The following NRF1 variants were observed in gnomAD, a reference collection of about 807,000 sequenced individuals.
NRF1 encodes alpha palindromic-binding protein.
Under a neutral mutation model 58.5 loss-of-function variants are expected in NRF1, and 5 were observed. The observed-to-expected ratio is 0.09, with a 90% CI of 0.04 to 0.18. The LOEUF is 0.18. Among genes scored for constraint, NRF1 ranks in the 10% least tolerant of loss-of-function variants. The probability of loss-of-function intolerance (pLI) is 1.00; values close to 1 mark genes in which losing one functional copy is unlikely to be tolerated. For synonymous variants in NRF1, 224 were observed against 246.7 expected (o/e 0.91, Z 0.86); for missense variants, 288 against 657.7 (o/e 0.44, Z 6.15).
At chr7:129,700,374 C>G (rs1652154444) in intron 5 of NRF1, among the ~76,000 whole-genome samples, 2 of 152,152 alleles carry the variant, frequency 1.3e-5, no homozygotes, top group African/African-American at 2.4e-5. Flanking sequence ...GCCCCGGCCA[C>G]ACTCCAGACC....
intron 2 of NRF1, among the ~76,000 whole-genome samples, chr7:129,663,044 C>A (rs895473125): frequency 2.6e-4 from 39 of 152,190 alleles, no homozygotes; most frequent in Non-Finnish European, 4.6e-4. Context: ...GTGGACACAG[C>A]ACATGTTTCA....
At position 129,727,953 on chromosome 7, in the gene NRF1, T is replaced by A. The variant is rs144519201; in HGVS notation, c.1348+588T>A. ...CCCCAGCTCTTTGACTTCCTGGACA[T>A]TGGTGAATATCCTGAATAAGCAAAA... On this transcript the variant is annotated intron_variant, in intron 10 of 10. Coordinates refer to ENST00000393232, the MANE Select transcript of NRF1 (RefSeq NM_005011.5). 3.0e-4 allele frequency among the ~76,000 whole-genome samples: 45 copies of A among 152,266 alleles called. 1 individual carries two copies. The East Asian group carries it at 8.5e-3, about 29-fold the overall frequency.
At chr7:129,752,085 G>A (rs1439570750) in intron 10 of NRF1, among the ~76,000 whole-genome samples, 1 of 152,178 alleles carries the variant, frequency 6.6e-6, no homozygotes, top group Non-Finnish European at 1.5e-5. Flanking sequence ...ATAAGCCAGA[G>A]CCAGGCCTGA....
chr7:129,674,838 T>C (rs929369816), intron 3 of NRF1, among the ~76,000 whole-genome samples: 38 of 152,224 alleles, frequency 2.5e-4, no homozygotes, highest in African/African-American at 8.9e-4. Flanking sequence ...TGATGACTGC[T>C]GACTGATCAG....
At chr7:129,716,088 T>C (rs1244737453) in intron 8 of NRF1, among the ~76,000 whole-genome samples, 2 of 151,940 alleles carry the variant, frequency 1.3e-5, no homozygotes, top group Non-Finnish European at 2.9e-5. Context: ...TGTTCCAAAA[T>C]GGAATCATTT....
At chr7:129,695,794 A>G (rs1388973045) in intron 5 of NRF1, among the ~76,000 whole-genome samples, 3 of 151,458 alleles carry the variant, frequency 2.0e-5, no homozygotes, top group African/African-American at 4.8e-5. Context: ...ACATTAAAAT[A>G]TTAACACTAA....
chr7:129,754,384 A>G (rs1804196668), intron 10 of NRF1, among the ~76,000 whole-genome samples: 1 of 144,506 alleles, frequency 6.9e-6, no homozygotes, highest in Admixed American at 7.2e-5. Context: ...GATCACTTGA[A>G]TCCAGGAGTT....
At chr7:129,625,009 A>T (rs1023055455) in intron 1 of NRF1, among the ~76,000 whole-genome samples, 2 of 152,206 alleles carry the variant, frequency 1.3e-5, no homozygotes, top group African/African-American at 4.8e-5. Context: ...TTCAAGAAAC[A>T]GAAATGTATT....
rs1278727111 is a variant in NRF1, at chr7:129,668,188, C to CT, written c.224-3233dup. Among the ~76,000 whole-genome samples, 6 of 152,130 alleles carry CT rather than the reference C, an allele frequency of 3.9e-5. No individual in the cohort carries two copies. In the South Asian group the frequency reaches 1.0e-3, roughly 26 times the overall value. ...AGCATCATATATTTAATAGCCCATA[C>CT]TTTTTTTTATCTTTCTGACACAGGA... On this transcript the variant is annotated intron_variant, in intron 2 of 10. Coordinates refer to ENST00000393232, the MANE Select transcript of NRF1 (RefSeq NM_005011.5).
At chr7:129,683,318 T>TGAGA (rs1281080098) in intron 4 of NRF1, among the ~76,000 whole-genome samples, 3 of 140,546 alleles carry the variant, frequency 2.1e-5, no homozygotes, top group East Asian at 2.2e-4. Context: ...TGTGTGTGTG[T>TGAGA]GTGAGAGAGA....
intron 5 of NRF1, among the ~76,000 whole-genome samples, chr7:129,691,620 G>A (rs994970111): frequency 1.4e-4 from 22 of 151,950 alleles, no homozygotes; most frequent in African/African-American, 4.8e-4. Context: ...CTCCCAAAGT[G>A]CTGGGATTAC....
rs893262593 is a variant in NRF1, at chr7:129,635,436, C to T, written c.-6-21910C>T. ...AGTGTTACAGTTCTTTAAAGAGGAC[C>T]GAGCCTTTGCTTAAGGCTAGCTTCA... On this transcript the variant is annotated intron_variant, in intron 1 of 10. Coordinates refer to ENST00000393232, the MANE Select transcript of NRF1 (RefSeq NM_005011.5). Among the ~76,000 whole-genome samples, 3 of 152,094 alleles carry T rather than the reference C, an allele frequency of 2.0e-5. No individual in the cohort carries two copies. In the East Asian group the frequency reaches 5.8e-4, roughly 29 times the overall value.
At position 129,754,464 on chromosome 7, in the gene NRF1, TAA is replaced by T. The variant is rs57595268; in HGVS notation, c.1349-536_1349-535del. ...GGCTACAGAGCCAGACCCTGTCTCT[TAA>T]AAAAAAAAAAAAAAAAAGTTAAAAT... On this transcript the variant is annotated intron_variant, in intron 10 of 10. Coordinates refer to ENST00000393232, the MANE Select transcript of NRF1 (RefSeq NM_005011.5). Among the ~76,000 whole-genome samples the T allele has an allele frequency of 5.7e-4, 29 of 51,204 alleles. No individual in the cohort carries two copies. In the South Asian group the frequency reaches 5.7e-3, roughly 10 times the overall value. The allele number at this position is 51,204 out of a possible 152,430, so 33.6% of individuals were successfully genotyped here.
At chr7:129,724,806 T>C (rs1027708835) in intron 9 of NRF1, among the ~76,000 whole-genome samples, 1 of 152,126 alleles carries the variant, frequency 6.6e-6, no homozygotes, top group Admixed American at 6.5e-5. Flanking sequence ...GATAGAGTAG[T>C]CAAAATCACA....
At chr7:129,654,447 A>T (rs75419162) in intron 1 of NRF1, among the ~76,000 whole-genome samples, 5 of 152,288 alleles carry the variant, frequency 3.3e-5, no homozygotes, top group African/African-American at 1.2e-4. Context: ...TTCACAGGGC[A>T]GAAGTTTCTT....
intron 10 of NRF1, among the ~76,000 whole-genome samples, chr7:129,738,352 C>T (rs1358227528): frequency 1.3e-5 from 2 of 152,182 alleles, no homozygotes; most frequent in Admixed American, 6.5e-5. Flanking sequence ...TGGGAGCCGG[C>T]GGCTTTTCCT....
Position 129,755,292 on chromosome 7 carries a change from G to A in NRF1, c.*111G>A, listed in dbSNP as rs1181509628. ...CTCTCGACTTTGGAAGGAAAGTTTT[G>A]TTAACCTTTTTTTTTTTAAAAGGAA... On this transcript the variant is annotated 3_prime_UTR_variant, in exon 11 of 11. Transcript: ENST00000393232. The surrounding 1 kb of genome is among the most constrained non-coding windows in gnomAD (Gnocchi z 5.8). 6 of 969,530 alleles carry A rather than the reference G, an allele frequency of 6.2e-6. No individual in the cohort carries two copies. The African/African-American group carries it at 1.0e-4, about 16-fold the overall frequency. 60.1% of individuals were successfully genotyped at this position (969,530 alleles called of 1,614,324 possible).
chr7:129,736,845 A>G (rs1324901166), intron 10 of NRF1, among the ~76,000 whole-genome samples: 2 of 152,164 alleles, frequency 1.3e-5, no homozygotes, highest in African/African-American at 2.4e-5. Flanking sequence ...AGGAGGAGCA[A>G]TGGAGAGGGG....
At chr7:129,722,777 T>C (rs1355934179) in intron 9 of NRF1, among the ~76,000 whole-genome samples, 1 of 152,208 alleles carries the variant, frequency 6.6e-6, no homozygotes, top group East Asian at 1.9e-4. Context: ...GGAGCTGCCC[T>C]CTCCCTTCAC....
Sources: gnomAD v4.1 joint callset for allele counts (sites outside exome capture counted in the v4.1 genomes callset) on GRCh38, gnomAD v4.1.1 for gene constraint, Gnocchi (gnomAD v3.1) non-coding constraint, MANE v1.5 for transcripts, NCBI Gene and HGNC (gene_info 2026-07-23, HGNC 2026-07-21) for gene names.